ANO2: variants seen among roughly 807,000 people sequenced by gnomAD.
ANO2 encodes the protein anoctamin-2.
A neutral mutation model predicts 124.2 loss-of-function variants in ANO2; 101 were observed. That is an observed-to-expected ratio of 0.81 (90% CI 0.69 to 0.96). ANO2 has a LOEUF of 0.96. Among genes scored for constraint, ANO2 ranks in the 40% least tolerant of loss-of-function variants. The pLI, the probability that ANO2 is intolerant of heterozygous loss-of-function variation, is 0.00. For synonymous variants in ANO2, 486 were observed against 482.5 expected, an observed-to-expected ratio of 1.01 and a Z score of -0.09; for missense variants, 1,293 against 1,274.5, an observed-to-expected ratio of 1.01 and a Z score of -0.22.
intron 14 of ANO2, among the ~76,000 whole-genome samples, chr12:5,648,770 T>C (rs567580274): frequency 1.7e-4 from 26 of 152,336 alleles, no homozygotes; most frequent in Non-Finnish European, 2.9e-4. Context: ...GCCGAGAATA[T>C]GGCAGAGCAC....
At chr12:5,883,319 C>A (rs1938635902) in intron 3 of ANO2, among the ~76,000 whole-genome samples, 1 of 152,216 alleles carries the variant, frequency 6.6e-6, no homozygotes, top group South Asian at 2.1e-4. Flanking sequence ...ACTGCTGAGC[C>A]AGACCTAGAG....
chr12:5,783,640 G>A (rs1011466957), intron 10 of ANO2, among the ~76,000 whole-genome samples: 1 of 152,182 alleles, frequency 6.6e-6, no homozygotes, highest in Non-Finnish European at 1.5e-5. Flanking sequence ...TGGAGAAGAT[G>A]GGGCCACCCT....
intron 5 of ANO2, among the ~76,000 whole-genome samples, chr12:5,831,688 G>A (rs1954158767): frequency 6.6e-6 from 1 of 152,186 alleles, no homozygotes; most frequent in Admixed American, 6.5e-5. Context: ...AGATGGATAG[G>A]AGATGGTCTC....
chr12:5,762,790 T>C (rs544295368), intron 10 of ANO2, among the ~76,000 whole-genome samples: 72 of 151,926 alleles, frequency 4.7e-4, no homozygotes, highest in Non-Finnish European at 8.0e-4. Flanking sequence ...ATCTTCTCCT[T>C]TAAACTGTCA....
chr12:5,646,794 A>T (rs1946661238), intron 15 of ANO2, among the ~76,000 whole-genome samples: 1 of 152,210 alleles, frequency 6.6e-6, no homozygotes, highest in Non-Finnish European at 1.5e-5. Flanking sequence ...AAAAATGAGG[A>T]GTTGAATTGG....
At chr12:5,684,761 C>G (rs2137005101) in intron 14 of ANO2, among the ~76,000 whole-genome samples, 1 of 152,266 alleles carries the variant, frequency 6.6e-6, no homozygotes, top group South Asian at 2.1e-4. Context: ...ATCACGACTC[C>G]CTTGAGAATG....
chr12:5,861,047 G>A (rs1384795388), intron 3 of ANO2, among the ~76,000 whole-genome samples: 2 of 152,194 alleles, frequency 1.3e-5, no homozygotes, highest in African/African-American at 4.8e-5. Context: ...TAGGGACACA[G>A]AGGAATTTCA....
rs528068377 is a variant in ANO2 at position 5,785,531 on chromosome 12, G to A, written c.1055+13976C>T. ...TAAATTCATCACTCACTGTCCACCT[G>A]TAGGTGACACATCATTGGTTTATGT... is the stretch of plus-strand genomic sequence containing the variant. On this transcript the variant is annotated intron_variant, in intron 10 of 24. Transcript: ENST00000682330. Among the ~76,000 whole-genome samples the A allele has an allele frequency of 1.1e-3, 169 of 152,218 alleles. 2 individuals carry two copies. Among genetic ancestry groups the A allele is most frequent in the South Asian group, 8.3e-3 (40 of 4,822 alleles).
intron 15 of ANO2, among the ~76,000 whole-genome samples, chr12:5,639,633 G>A (rs2136944568): frequency 6.6e-6 from 1 of 152,304 alleles, no homozygotes; most frequent in Admixed American, 6.5e-5. Context: ...AGGGAAGGGT[G>A]TTTCAGGCAG....
chr12:5,626,935 G>C (rs1006151382), intron 16 of ANO2, among the ~76,000 whole-genome samples: 8 of 152,172 alleles, frequency 5.3e-5, no homozygotes, highest in Non-Finnish European at 1.0e-4. Flanking sequence ...AATCCAAAGA[G>C]AAAGACAGGA....
intron 10 of ANO2, among the ~76,000 whole-genome samples, chr12:5,770,981 A>T (rs1022383121): frequency 6.6e-6 from 1 of 152,078 alleles, no homozygotes; most frequent in African/African-American, 2.4e-5. Context: ...ACCCCATCCC[A>T]AATGGCCCCA....
chr12:5,696,030 T>C lies in ANO2; in HGVS notation c.1545+36490A>G, dbSNP rs535782972. On this transcript the variant is annotated intron_variant, in intron 14 of 24. Coordinates refer to ENST00000682330, the MANE Select transcript of ANO2 (RefSeq NM_001364791.2). ...AAAAATAGTAAATGAAAAAACTAAA[T>C]GATAAAAAGTTTACATGCTTTTTTT... Among the ~76,000 whole-genome samples, 16 of 152,192 alleles carry C rather than the reference T, an allele frequency of 1.1e-4. No homozygotes were observed. The South Asian group carries it at 3.3e-3, about 32-fold the overall frequency.
In ANO2 at chr12:5,636,255, C is replaced by A. The variant is rs574527746; in HGVS notation, c.1621-908G>T. On this transcript the variant is annotated intron_variant, in intron 15 of 24. Transcript: ENST00000682330. The surrounding 1 kb of genome is among the most constrained non-coding windows in gnomAD (Gnocchi z 4.6). Reference sequence around the variant, plus strand: ...GCCCCTCTTCCTTCTTCTGTCCCCACGTCCCCTCCTGTCCCCATCGCAACC... The same window carrying A: ...GCCCCTCTTCCTTCTTCTGTCCCCAAGTCCCCTCCTGTCCCCATCGCAACC... 6.6e-6 allele frequency among the ~76,000 whole-genome samples: 1 copy of A among 152,124 alleles called. No homozygotes were observed. The highest frequency in any genetic ancestry group is 1.5e-5 in the Non-Finnish European group (1 of 68,028).
chr12:5,579,704 C>A (rs912495391), intron 20 of ANO2, among the ~76,000 whole-genome samples: 1 of 152,202 alleles, frequency 6.6e-6, no homozygotes, highest in Admixed American at 6.5e-5. Context: ...CCTACCGGTG[C>A]ATACAGGTGC....
At chr12:5,797,052 C>T (rs1303633503) in intron 10 of ANO2, among the ~76,000 whole-genome samples, 2 of 152,208 alleles carry the variant, frequency 1.3e-5, no homozygotes, top group Non-Finnish European at 2.9e-5. Context: ...TATCACGTTC[C>T]GCCTGTGCCA....
chr12:5,793,734 G>C (rs1203449875), intron 10 of ANO2, among the ~76,000 whole-genome samples: 4 of 152,224 alleles, frequency 2.6e-5, no homozygotes, highest in Non-Finnish European at 5.9e-5. Context: ...ATCTCTGGAA[G>C]GCTGTTGTGA....
chr12:5,791,562 G>A (rs1411615335), intron 10 of ANO2, among the ~76,000 whole-genome samples: 1 of 152,174 alleles, frequency 6.6e-6, no homozygotes, highest in Admixed American at 6.5e-5. Flanking sequence ...GACATCCACT[G>A]AATGGAACTC....
chr12:5,832,401 T>G, intron 5 of ANO2, 51 bp downstream of exon 5: 1 of 1,605,718 alleles, frequency 6.2e-7, no homozygotes, highest in Non-Finnish European at 8.5e-7. Flanking sequence ...AGTATTCAAT[T>G]TTCCTTCCTA....
chr12:5,616,708 G>A (rs1210182009), intron 16 of ANO2, among the ~76,000 whole-genome samples: 4 of 152,094 alleles, frequency 2.6e-5, no homozygotes, highest in Admixed American at 6.5e-5. Flanking sequence ...TGTAGGAATC[G>A]CTGAAGAAAT....
Sources: allele counts gnomAD v4.1 joint callset (sites outside exome capture counted in the v4.1 genomes callset), GRCh38; gene constraint gnomAD v4.1.1; non-coding constraint Gnocchi (gnomAD v3.1); transcripts MANE v1.5; gene names NCBI Gene and HGNC (gene_info 2026-07-23, HGNC 2026-07-21).